NME7: variants seen among roughly 807,000 people sequenced by gnomAD.
NME7 encodes nucleoside diphosphate kinase 7.
Under a neutral mutation model 49.1 loss-of-function variants are expected in NME7, and 41 were observed. That is an observed-to-expected ratio of 0.83 (90% CI 0.65 to 1.08). NME7 has a LOEUF of 1.08. Among genes scored for constraint, NME7 ranks in the 50% least tolerant of loss-of-function variants. NME7 has a pLI of 0.00. For synonymous variants in NME7, 139 were observed against 150.6 expected (o/e 0.92, Z 0.56); for missense variants, 423 against 463.4 (o/e 0.91, Z 0.80).
At chr1:169,354,646 T>C (rs1425467261) in intron 1 of NME7, among the ~76,000 whole-genome samples, 4 of 147,706 alleles carry the variant, frequency 2.7e-5, no homozygotes, top group Non-Finnish European at 6.0e-5. Context: ...TATTTATATA[T>C]TAAAGTATTA....
At chr1:169,147,631 TAAGA>T (rs1380148221) in intron 11 of NME7, among the ~76,000 whole-genome samples, 2 of 152,040 alleles carry the variant, frequency 1.3e-5, no homozygotes. Flanking sequence ...CAATAAGCAA[TAAGA>T]AAGAGTTAAT....
chr1:169,307,791 G>A (rs1431101405), intron 4 of NME7, among the ~76,000 whole-genome samples: 2 of 152,056 alleles, frequency 1.3e-5, no homozygotes, highest in African/African-American at 2.4e-5. Context: ...AGGCTGAGGC[G>A]GGTGAATCAT....
intron 7 of NME7, among the ~76,000 whole-genome samples, chr1:169,241,823 C>T (rs1648100228): frequency 6.7e-6 from 1 of 150,352 alleles, no homozygotes. Context: ...GGATAATTCC[C>T]AATTCACTTT....
intron 1 of NME7, among the ~76,000 whole-genome samples, chr1:169,342,784 A>AG (rs1397716490): frequency 1.1e-4 from 6 of 54,730 alleles, no homozygotes; most frequent in African/African-American, 3.9e-4. Context: ...ACATATATAT[A>AG]TAGTATATAT....
chr1:169,289,333 A>G (rs1369371438), intron 6 of NME7, among the ~76,000 whole-genome samples: 5 of 152,146 alleles, frequency 3.3e-5, no homozygotes, highest in Admixed American at 3.3e-4. Flanking sequence ...GGCTTAGTCC[A>G]TCTTTATTAC....
chr1:169,295,804 CA>C, intron 6 of NME7, among the ~76,000 whole-genome samples: 1 of 152,236 alleles, frequency 6.6e-6, no homozygotes, highest in Non-Finnish European at 1.5e-5. Context: ...ATCACCATTT[CA>C]CATATTCTTC....
rs1049828814 is a variant in NME7 at position 169,267,079 on chromosome 1, G to A, written c.754+20224C>T. Among the ~76,000 whole-genome samples, 12 of 131,990 alleles carry A rather than the reference G, an allele frequency of 9.1e-5. 2 individuals are homozygous for A. Among genetic ancestry groups the A allele is most frequent in the African/African-American group, 2.8e-4 (11 of 39,104 alleles). 86.6% of individuals were successfully genotyped at this position (131,990 alleles called of 152,430 possible). The stretch of plus-strand genomic sequence containing the variant: ...TGAAACTGTGTCTCAAAAAACAAAC[G>A]AACAAACAAAAACAATTTATAAAAA... On this transcript the variant is annotated intron_variant, in intron 7 of 11. Transcript: ENST00000367811.
chr1:169,283,483 T>C (rs1650123709), intron 7 of NME7, among the ~76,000 whole-genome samples: 1 of 152,214 alleles, frequency 6.6e-6, no homozygotes, highest in Non-Finnish European at 1.5e-5. Flanking sequence ...TTTGATCCTG[T>C]CATTATGATG....
chr1:169,312,011 G>T (rs1021004559), intron 3 of NME7, among the ~76,000 whole-genome samples: 1 of 152,208 alleles, frequency 6.6e-6, no homozygotes, highest in Non-Finnish European at 1.5e-5. Context: ...AGCACATGAA[G>T]AAACAATAGG....
intron 1 of NME7, among the ~76,000 whole-genome samples, chr1:169,334,984 C>T (rs1652401846): frequency 6.6e-6 from 1 of 152,106 alleles, no homozygotes; most frequent in African/African-American, 2.4e-5. Context: ...CACTAATCAT[C>T]AGAGAAATGC....
intron 11 of NME7, among the ~76,000 whole-genome samples, chr1:169,140,584 A>C (rs1658561859): frequency 6.6e-6 from 1 of 152,162 alleles, no homozygotes; most frequent in South Asian, 2.1e-4. Context: ...CAGCTACAGT[A>C]AAGCTTCAGG....
At chr1:169,201,052 G>C (rs1660534277) in intron 10 of NME7, among the ~76,000 whole-genome samples, 1 of 152,048 alleles carries the variant, frequency 6.6e-6, no homozygotes, top group Admixed American at 6.6e-5. Context: ...GCAACATAGA[G>C]AGACCCTATC....
intron 11 of NME7, among the ~76,000 whole-genome samples, chr1:169,153,623 T>A (rs1312876733): frequency 6.6e-6 from 1 of 152,144 alleles, no homozygotes; most frequent in Non-Finnish European, 1.5e-5. Flanking sequence ...TCTGGTAACA[T>A]TCTCTTATGC....
intron 7 of NME7, among the ~76,000 whole-genome samples, chr1:169,272,770 T>C (rs1383268031): frequency 7.6e-6 from 1 of 131,776 alleles, no homozygotes; most frequent in Non-Finnish European, 1.8e-5. Context: ...GTGCATGTAT[T>C]TTTATAATAG....
intron 10 of NME7, among the ~76,000 whole-genome samples, chr1:169,225,652 T>A (rs373513585): frequency 5.9e-5 from 9 of 152,222 alleles, no homozygotes; most frequent in African/African-American, 1.9e-4. Context: ...TATTACTTTG[T>A]AGATAGTAAA....
chr1:169,143,790 A>T (rs184885783), intron 11 of NME7, among the ~76,000 whole-genome samples: 109 of 152,292 alleles, frequency 7.2e-4, no homozygotes, highest in African/African-American at 2.5e-3. Flanking sequence ...TTCTTGTAAT[A>T]TGAAACATGG....
rs140434378 is a variant in NME7, at chr1:169,271,688, A to T, written c.754+15615T>A. Among the ~76,000 whole-genome samples, 47 of 133,688 alleles carry T rather than the reference A, an allele frequency of 3.5e-4. 5 individuals carry two copies. The highest frequency in any genetic ancestry group is 1.1e-3 in the African/African-American group (43 of 39,650). The allele number at this position is 133,688 out of a possible 152,430, so 87.7% of individuals were successfully genotyped here. A position where few individuals can be genotyped will look rare whatever the true frequency, so the allele number is the denominator to read the frequency against. ...TCTGGCCTTTTTTTGGGAAGTCAGC[A>T]GTCAACAGAAGGGATAATCCTATTC... On this transcript the variant is annotated intron_variant, in intron 7 of 11. Coordinates refer to ENST00000367811, the MANE Select transcript of NME7 (RefSeq NM_013330.5).
At chr1:169,189,431 T>C (rs1421838530) in intron 10 of NME7, among the ~76,000 whole-genome samples, 2 of 152,182 alleles carry the variant, frequency 1.3e-5, no homozygotes, top group African/African-American at 4.8e-5. Context: ...TCAATGCAAG[T>C]CCTACTTTAA....
chr1:169,303,455 CTTTTTTTT>C lies in NME7; in HGVS notation c.390-268_390-261del, dbSNP rs969800387. The C allele has an allele frequency of 8.5e-3, 964 of 113,518 alleles. 10 individuals are homozygous for C. Among genetic ancestry groups the C allele is most frequent in the African/African-American group, 0.03 (901 of 29,852 alleles). The allele number at this position is 113,518 out of a possible 1,614,324, so 7.0% of individuals were successfully genotyped here. ...TATGTTATATATTGTCTATCTTCTT[CTTTTTTTT>C]TTTTTTTTTTTTTTTAGATTGAGTT... On this transcript the variant is annotated intron_variant, in intron 4 of 11. Coordinates refer to ENST00000367811, the MANE Select transcript of NME7 (RefSeq NM_013330.5).
Sources: allele counts gnomAD v4.1 joint callset (sites outside exome capture counted in the v4.1 genomes callset), GRCh38; gene constraint gnomAD v4.1.1; transcripts MANE v1.5; gene names NCBI Gene and HGNC (gene_info 2026-07-23, HGNC 2026-07-21).